SLCO1A2: variants seen among roughly 807,000 people sequenced by gnomAD.
SLCO1A2 encodes solute carrier organic anion transporter family member 1A2.
SLCO1A2 carries 67 observed loss-of-function variants against 69.0 expected under a neutral mutation model. That is an observed-to-expected ratio of 0.97 (90% CI 0.80 to 1.19). The LOEUF is 1.19. Among genes scored for constraint, SLCO1A2 ranks in the 50% most tolerant of loss-of-function variants. SLCO1A2 has a pLI of 0.00. For missense variants in SLCO1A2, 787 were observed against 793.7 expected (o/e 0.99, Z 0.10); for synonymous variants, 260 against 265.9 (o/e 0.98, Z 0.22).
chr12:21,269,880 A>T (rs1942480529), intron 14 of SLCO1A2, 113 bp from the exon 15 acceptor site: 2 of 683,348 alleles, frequency 2.9e-6, no homozygotes, highest in Middle Eastern at 4.2e-4. Context: ...ATGGTTTTGC[A>T]TGCTGATCTT....
chr12:21,409,254 G>C (rs551445938), intron 1 of SLCO1A2, among the ~76,000 whole-genome samples: 2 of 152,204 alleles, frequency 1.3e-5, no homozygotes, highest in East Asian at 3.9e-4. Flanking sequence ...ATGGGATAAA[G>C]ACCATCTCAT....
chr12:21,274,219 A>T (rs932557692), intron 14 of SLCO1A2: 1 of 366,798 alleles, frequency 2.7e-6, no homozygotes, highest in African/African-American at 2.0e-5. Flanking sequence ...TAAGAATTTA[A>T]CGAACAACAC....
At chr12:21,358,989 G>A (rs528773666) in intron 2 of SLCO1A2, among the ~76,000 whole-genome samples, 127 of 152,264 alleles carry the variant, frequency 8.3e-4, no homozygotes, top group African/African-American at 2.8e-3. Flanking sequence ...ACTGAGGAGA[G>A]ATAATGACTT....
upstream of SLCO1A2, among the ~76,000 whole-genome samples, chr12:21,398,061 T>A: frequency 7.6e-6 from 1 of 131,760 alleles, no homozygotes; most frequent in Admixed American, 7.9e-5. Context: ...CAAAAAACCC[T>A]TCAAAAAATT....
intron 2 of SLCO1A2, among the ~76,000 whole-genome samples, chr12:21,361,259 T>C (rs1196723351): frequency 2.0e-5 from 3 of 152,190 alleles, no homozygotes; most frequent in Admixed American, 1.3e-4. Context: ...CCGCTGGTGA[T>C]ACCCAGGCAA....
At chr12:21,274,654 T>C in intron 13 of SLCO1A2, 68 bp from the exon 14 acceptor site, 2 of 1,093,862 alleles carry the variant, frequency 1.8e-6, no homozygotes, top group Middle Eastern at 2.1e-4. Flanking sequence ...TGGAAATATT[T>C]CAATTTTCTT....
chr12:21,276,721 A>T (rs11045929), intron 12 of SLCO1A2, among the ~76,000 whole-genome samples: 1 of 152,058 alleles, frequency 6.6e-6, no homozygotes, highest in East Asian at 1.9e-4. Flanking sequence ...TGGAGAAGGA[A>T]TCTGAGCACT....
intron 2 of SLCO1A2, chr12:21,373,868 A>G: frequency 2.0e-6 from 1 of 500,750 alleles, no homozygotes; most frequent in Non-Finnish European, 3.5e-6. Flanking sequence ...GTCTCTGGAA[A>G]TGTTAAAAAC....
chr12:21,303,092 G>A (rs911676591), intron 6 of SLCO1A2, among the ~76,000 whole-genome samples: 1 of 151,218 alleles, frequency 6.6e-6, no homozygotes, highest in Non-Finnish European at 1.5e-5. Context: ...ATAGTTATTT[G>A]GTTATGGATA....
chr12:21,373,747 C>T (rs1266714349), intron 2 of SLCO1A2: 8 of 695,866 alleles, frequency 1.1e-5, no homozygotes, highest in South Asian at 1.1e-4. Flanking sequence ...GTAATTTCTT[C>T]TATATTAACC....
chr12:21,418,902 T>C (rs755634852), upstream of SLCO1A2, among the ~76,000 whole-genome samples: 1 of 152,152 alleles, frequency 6.6e-6, no homozygotes, highest in African/African-American at 2.4e-5. Context: ...CTAAGAATAG[T>C]TTTTATATTT....
rs1415546423 is a variant in SLCO1A2, at chr12:21,281,555, G to A, written c.1611-6131C>T. On this transcript the variant is annotated intron_variant, in intron 12 of 14. Transcript: ENST00000683939. ...TAGAAGAAAAGAAATAATAAAGATC[G>A]GAGTAGAAATAAATGAAATTGAAAT... 6.6e-5 allele frequency among the ~76,000 whole-genome samples: 10 copies of A among 151,662 alleles called. No homozygotes were observed. The South Asian group carries it at 1.0e-3, about 16-fold the overall frequency.
At chr12:21,396,453 A>G (rs572959226), upstream of SLCO1A2, among the ~76,000 whole-genome samples, 29 of 149,568 alleles carry the variant, frequency 1.9e-4, no homozygotes, top group African/African-American at 7.2e-4. Context: ...ACTCTGCAGG[A>G]TATTATCCAG....
chr12:21,336,829 A>G (rs143197575), upstream of SLCO1A2, among the ~76,000 whole-genome samples: 410 of 152,148 alleles, frequency 2.7e-3, 1 homozygote, highest in Non-Finnish European at 4.4e-3. Context: ...TTGTTTACAC[A>G]GTGACTTCTG....
chr12:21,405,995 T>C (rs1258196961), intron 1 of SLCO1A2, among the ~76,000 whole-genome samples: 2 of 152,220 alleles, frequency 1.3e-5, no homozygotes, highest in African/African-American at 4.8e-5. Flanking sequence ...ACCTACTCCA[T>C]GCCAAATATT....
chr12:21,292,905 T>C (rs966456088), intron 11 of SLCO1A2, among the ~76,000 whole-genome samples: 5 of 152,210 alleles, frequency 3.3e-5, no homozygotes, highest in African/African-American at 1.2e-4. Context: ...AATACACTTT[T>C]TAAAACAGTG....
intron 12 of SLCO1A2, among the ~76,000 whole-genome samples, chr12:21,287,010 G>T (rs1341587566): frequency 6.5e-5 from 9 of 137,866 alleles, no homozygotes; most frequent in African/African-American, 2.1e-4. Context: ...ATTGACAAAT[G>T]GGATCTAATT....
chr12:21,356,860 A>G (rs1049355539), intron 2 of SLCO1A2, among the ~76,000 whole-genome samples: 1 of 152,206 alleles, frequency 6.6e-6, no homozygotes, highest in African/African-American at 2.4e-5. Context: ...TCTATAGAGT[A>G]GTGAGAACTT....
upstream of SLCO1A2, among the ~76,000 whole-genome samples, chr12:21,418,807 T>C (rs1340371962): frequency 1.3e-5 from 2 of 152,112 alleles, no homozygotes; most frequent in Non-Finnish European, 2.9e-5. Flanking sequence ...CTACTATTAG[T>C]AGTGATGGTC....
Sources: allele counts gnomAD v4.1 joint callset (sites outside exome capture counted in the v4.1 genomes callset), GRCh38; gene constraint gnomAD v4.1.1; transcripts MANE v1.5; gene names NCBI Gene and HGNC (gene_info 2026-07-23, HGNC 2026-07-21).